Variants in GCA observed in about 807,000 individuals in gnomAD.
The protein encoded by GCA is grancalcin.
Under a neutral mutation model 32.6 loss-of-function variants are expected in GCA, and 30 were observed. The ratio of observed to expected loss-of-function variants is 0.92; its 90% CI spans 0.69 to 1.25. GCA has a LOEUF of 1.25. GCA is among the 50% of genes most tolerant of loss of function. The probability of loss-of-function intolerance (pLI) is 0.00; values close to 1 mark genes in which losing one functional copy is unlikely to be tolerated. For missense variants in GCA, 291 were observed against 266.8 expected, an observed-to-expected ratio of 1.09 and a Z score of -0.63; for synonymous variants, 102 against 84.6, an observed-to-expected ratio of 1.21 and a Z score of -1.13.
chr2:162,356,901 T>G lies in GCA; in HGVS notation c.450T>G (p.Leu150=). Residue 150 remains leucine (L), a synonymous_variant, in exon 5 of 8, where the codon CTT becomes CTG. Transcript: ENST00000437150. ...EHHELRQAIG[L]MGYRLSPQTL... ...ATGAGTTGCGTCAAGCCATTGGTCTTATGGGTAAGAACATTAACATTCTTT... is the reference window on the plus strand; with the variant it reads ...ATGAGTTGCGTCAAGCCATTGGTCTGATGGGTAAGAACATTAACATTCTTT... The G allele has an allele frequency of 6.3e-7, 1 of 1,599,306 alleles. No individual in the cohort carries two copies. Among genetic ancestry groups the G allele is most frequent in the Non-Finnish European group, 8.6e-7 (1 of 1,169,396 alleles).
chr2:162,374,856 A>G (rs1205704892), downstream of GCA, among the ~76,000 whole-genome samples: 1 of 152,292 alleles, frequency 6.6e-6, no homozygotes, highest in Non-Finnish European at 1.5e-5. Context: ...TGAATGATAC[A>G]TGACTTTGCA....
rs201832729 is a variant in GCA at position 162,352,425 on chromosome 2, C to G, written c.262+18C>G. ...TTACTCTCGTGAGATCTTTTTTCCC[C>G]TTTTGTTGAAATTATAATAGGAAGT... On this transcript the variant is annotated intron_variant, in intron 3 of 7. Coordinates refer to ENST00000437150, the MANE Select transcript of GCA (RefSeq NM_012198.5). The G allele has an allele frequency of 7.0e-7, 1 of 1,430,080 alleles. No individual in the cohort carries two copies. Among genetic ancestry groups the G allele is most frequent in the South Asian group, 1.2e-5 (1 of 84,256 alleles). The allele number at this position is 1,430,080 out of a possible 1,614,324, so 88.6% of individuals were successfully genotyped here. A position where few individuals can be genotyped will look rare whatever the true frequency, so the allele number is the denominator to read the frequency against.
rs1423938120 is a variant in GCA at position 162,362,510 on chromosome 2, CT to C, written c.*2271del. 1.0e-6 allele frequency: 1 copy of C among 968,950 alleles called. No individual in the cohort carries two copies. Among genetic ancestry groups the C allele is most frequent in the Non-Finnish European group, 1.2e-6 (1 of 815,276 alleles). The allele number at this position is 968,950 out of a possible 1,614,324, so 60.0% of individuals were successfully genotyped here. On this transcript the variant is annotated 3_prime_UTR_variant, in exon 8 of 8. Transcript: ENST00000437150. ...GCACTGGTTAACTTACACCCCAGTT[CT>C]TTTACGATGATGTAAATTATTGAAT...
chr2:162,366,220 A>T (rs529853457), downstream of GCA, among the ~76,000 whole-genome samples: 5 of 151,902 alleles, frequency 3.3e-5, no homozygotes, highest in South Asian at 1.0e-3. Flanking sequence ...CTATGTTAAT[A>T]TTGCCACTTC....
At chr2:162,328,058 C>G (rs762863302) in intron 1 of GCA, among the ~76,000 whole-genome samples, 32 of 152,096 alleles carry the variant, frequency 2.1e-4, no homozygotes, top group Non-Finnish European at 3.5e-4. Flanking sequence ...GTGGGAGCCC[C>G]TTTCTGGGCT....
chr2:162,323,579 T>C (rs1683764771), intron 1 of GCA, among the ~76,000 whole-genome samples: 1 of 151,940 alleles, frequency 6.6e-6, no homozygotes, highest in African/African-American at 2.4e-5. Context: ...TTGAATTGAT[T>C]TTTGTATAAG....
At chr2:162,345,785 A>C (rs753073913) in intron 1 of GCA, among the ~76,000 whole-genome samples, 34 of 152,316 alleles carry the variant, frequency 2.2e-4, no homozygotes, top group Non-Finnish European at 4.4e-4. Flanking sequence ...CATTGGATAA[A>C]ATTTTGGGAT....
At chr2:162,353,725 G>A (rs942847250) in intron 3 of GCA, among the ~76,000 whole-genome samples, 9 of 152,242 alleles carry the variant, frequency 5.9e-5, no homozygotes, top group Middle Eastern at 3.4e-3. Context: ...AGTATTCTGC[G>A]ATTTGATGGT....
downstream of GCA, among the ~76,000 whole-genome samples, chr2:162,375,176 A>G (rs1420482913): frequency 6.6e-6 from 1 of 152,184 alleles, no homozygotes; most frequent in Non-Finnish European, 1.5e-5. Context: ...TTCTGTACAA[A>G]TGTATTCCAT....
chr2:162,320,138 T>C (rs1683611031), intron 1 of GCA, among the ~76,000 whole-genome samples: 1 of 152,216 alleles, frequency 6.6e-6, no homozygotes, highest in African/African-American at 2.4e-5. Context: ...CCATAGCAGC[T>C]GGCATAATGT....
chr2:162,353,030 T>G (rs1685079233), intron 3 of GCA, among the ~76,000 whole-genome samples: 1 of 152,228 alleles, frequency 6.6e-6, no homozygotes, highest in Non-Finnish European at 1.5e-5. Context: ...GCTGTCATAC[T>G]GGGATTCTTT....
chr2:162,318,913 C>A, upstream of GCA: 1 of 206,132 alleles, frequency 4.9e-6, no homozygotes, highest in Non-Finnish European at 1.0e-5. Flanking sequence ...GTTTTCCCAG[C>A]AGGTTCTGCC....
At chr2:162,371,847 AG>A, downstream of GCA, 1 of 1,609,208 alleles carries the variant, frequency 6.2e-7, no homozygotes, top group Non-Finnish European at 8.5e-7. Flanking sequence ...CTGGAAGACC[AG>A]GATCAGAAAC....
intron 1 of GCA, among the ~76,000 whole-genome samples, chr2:162,320,903 A>C (rs1488177146): frequency 2.0e-5 from 3 of 152,242 alleles, no homozygotes; most frequent in Non-Finnish European, 4.4e-5. Context: ...TGTATATTAC[A>C]GTTTCACAGG....
At position 162,369,306 on chromosome 2, in the gene GCA, C is replaced by T. The variant is rs376602938; in HGVS notation, c.366-2000C>T. Among the ~76,000 whole-genome samples, 112 of 152,194 alleles carry T rather than the reference C, an allele frequency of 7.4e-4. 2 individuals are homozygous for T. The South Asian group carries it at 0.013, about 18-fold the overall frequency. ...TAAGTCACTTTAGCCATTGAGTCTTCTGACATTTATGCCCAACTAATCACG... is the reference window on the plus strand; with the variant it reads ...TAAGTCACTTTAGCCATTGAGTCTTTTGACATTTATGCCCAACTAATCACG... On this transcript the variant is annotated intron_variant, in intron 4 of 4. Coordinates refer to the GCA transcript ENST00000414723.
At chr2:162,332,373 T>C (rs1275355108) in intron 1 of GCA, among the ~76,000 whole-genome samples, 2 of 146,636 alleles carry the variant, frequency 1.4e-5, no homozygotes, top group East Asian at 3.9e-4. Flanking sequence ...ATATGATATA[T>C]AAATTATATA....
intron 4 of GCA, among the ~76,000 whole-genome samples, chr2:162,370,756 G>C (rs1685904410): frequency 6.6e-6 from 1 of 151,928 alleles, no homozygotes; most frequent in African/African-American, 2.4e-5. Context: ...TTTGAAAACT[G>C]TGTCGACTAT....
At chr2:162,344,964 GAATAT>G (rs1481567386) in intron 1 of GCA, among the ~76,000 whole-genome samples, 1 of 152,122 alleles carries the variant, frequency 6.6e-6, no homozygotes, top group African/African-American at 2.4e-5. Context: ...GGTGTGGGTA[GAATAT>G]AATATATTTT....
upstream of GCA, among the ~76,000 whole-genome samples, chr2:162,343,097 C>G (rs1007998049): frequency 3.9e-5 from 6 of 152,234 alleles, no homozygotes; most frequent in Admixed American, 6.5e-5. Flanking sequence ...ACAACAGATA[C>G]TCAGCTCTGC....
Sources: gnomAD v4.1 joint callset for allele counts (sites outside exome capture counted in the v4.1 genomes callset) on GRCh38, gnomAD v4.1.1 for gene constraint, MANE v1.5 for transcripts, NCBI Gene and HGNC (gene_info 2026-07-23, HGNC 2026-07-21) for gene names.